BAG4: variants seen among roughly 807,000 people sequenced by gnomAD.
BAG4 encodes the protein BAG family molecular chaperone regulator 4.
Under a neutral mutation model 52.1 loss-of-function variants are expected in BAG4, and 28 were observed. That is an observed-to-expected ratio of 0.54 (90% CI 0.40 to 0.74). BAG4 has a LOEUF of 0.74. Among genes scored for constraint, BAG4 ranks in the 30% least tolerant of loss-of-function variants. BAG4 has a pLI of 0.00. For missense variants in BAG4, 525 were observed against 572.0 expected (o/e 0.92, Z 0.84); for synonymous variants, 208 against 217.0 (o/e 0.96, Z 0.37).
Position 38,209,153 on chromosome 8 carries a change from T to G in BAG4, c.774T>G (p.Pro258=), listed in dbSNP as rs1803826091. The change falls in exon 4 of 5, where the codon CCT becomes CCG. Residue 258 remains proline (P), a synonymous_variant. Transcript: ENST00000287322. ...AYGMGGRYPW[P]SSAPSAPPGN... Reference sequence around the variant, plus strand: ...GAATGGGTGGCCGTTATCCCTGGCCTTCATCAGCGCCCTCAGCACCACCCG... The same window carrying G: ...GAATGGGTGGCCGTTATCCCTGGCCGTCATCAGCGCCCTCAGCACCACCCG... 5.0e-6 allele frequency: 8 copies of G among 1,614,102 alleles called. No homozygotes were observed. The highest frequency in any genetic ancestry group is 6.8e-6 in the Non-Finnish European group (8 of 1,180,030).
chr8:38,204,550 G>C (rs987021917), intron 2 of BAG4, among the ~76,000 whole-genome samples: 1 of 151,990 alleles, frequency 6.6e-6, no homozygotes, highest in African/African-American at 2.4e-5. Flanking sequence ...CCAGCACTTT[G>C]GGAGGCTGAG....
chr8:38,184,475 T>C (rs917080233), intron 1 of BAG4, among the ~76,000 whole-genome samples: 2 of 149,858 alleles, frequency 1.3e-5, no homozygotes, highest in African/African-American at 4.9e-5. Flanking sequence ...TCAAATAAAA[T>C]AAAATAAAAT....
chr8:38,194,409 CTTTTTTTTTTTTT>C (rs750931003), intron 2 of BAG4, among the ~76,000 whole-genome samples: 3 of 78,596 alleles, frequency 3.8e-5, no homozygotes, highest in Non-Finnish European at 7.3e-5. Context: ...TAGGTGTGTA[CTTTTTTTTTTTTT>C]TTTTTTTTTT....
chr8:38,194,409 CTTTTTT>C (rs750931003), intron 2 of BAG4, among the ~76,000 whole-genome samples: 1 of 78,618 alleles, frequency 1.3e-5, no homozygotes, highest in South Asian at 4.2e-4. Flanking sequence ...TAGGTGTGTA[CTTTTTT>C]TTTTTTTTTT....
chr8:38,188,334 A>G (rs1438127777), intron 1 of BAG4, among the ~76,000 whole-genome samples: 2 of 151,656 alleles, frequency 1.3e-5, no homozygotes, highest in African/African-American at 4.8e-5. Context: ...ATCCAATTAT[A>G]TGGTGTCTAA....
intron 1 of BAG4, among the ~76,000 whole-genome samples, chr8:38,182,627 AAG>A (rs1803290343): frequency 6.6e-6 from 1 of 152,208 alleles, no homozygotes; most frequent in Admixed American, 6.5e-5. Context: ...AAAGTTTGGA[AAG>A]AGTTAGGCAC....
At position 38,207,738 on chromosome 8, in the gene BAG4, G is replaced by T; in HGVS notation, c.605G>T (p.Gly202Val). The T allele has an allele frequency of 6.2e-7, 1 of 1,614,044 alleles. No homozygotes were observed. The highest frequency in any genetic ancestry group is 8.5e-7 in the Non-Finnish European group (1 of 1,180,010). Residue 202 changes from glycine to valine, a missense_variant, in exon 3 of 5, where the codon GGG becomes GTG. Physicochemically the swap from Gly to Val is moderately radical, Grantham distance 109. Around this residue, in one of 2 missense-constraint regions of BAG4, gnomAD observed 287 missense variants for 266.1 expected, o/e 1.08. Transcript: ENST00000287322. ...CAGACTGAAGCACCCCCTCTTAGGG[G>T]GCAGGTTCCAGGATATCCGCCTTCA... ...DCQTEAPPLR[G>V]QVPGYPPSQN...
rs1344363309 is a variant in BAG4, at chr8:38,192,813, A to G, written c.378+18A>G. The G allele has an allele frequency of 6.5e-7, 1 of 1,540,794 alleles. No individual in the cohort carries two copies. Among genetic ancestry groups the G allele is most frequent in the Non-Finnish European group, 8.8e-7 (1 of 1,135,370 alleles). On this transcript the variant is annotated intron_variant, in intron 2 of 4. Coordinates refer to ENST00000287322, the MANE Select transcript of BAG4 (RefSeq NM_004874.4). Reference sequence around the variant, plus strand: ...AAGGCCAGGTATGGTTTAAAAACAGAGACTTTCTGAACTTTTTCTTAATGA... The same window carrying G: ...AAGGCCAGGTATGGTTTAAAAACAGGGACTTTCTGAACTTTTTCTTAATGA...
At position 38,213,175 on chromosome 8, in the gene BAG4, A is replaced by G. The variant is rs1410871763; in HGVS notation, c.*2682A>G. On this transcript the variant is annotated 3_prime_UTR_variant, in exon 5 of 5. Transcript: ENST00000287322. Reference sequence around the variant, plus strand: ...ACTTTTGACTTAATACTGACTTTGGACTGAATTCAAAGTTTTCTTGAAATT... The same window carrying G: ...ACTTTTGACTTAATACTGACTTTGGGCTGAATTCAAAGTTTTCTTGAAATT... 4 of 152,106 alleles carry G rather than the reference A, an allele frequency of 2.6e-5. No individual in the cohort carries two copies. Among genetic ancestry groups the G allele is most frequent in the Non-Finnish European group, 4.4e-5 (3 of 67,950 alleles). 9.4% of individuals were successfully genotyped at this position (152,106 alleles called of 1,614,324 possible). A position where few individuals can be genotyped will look rare whatever the true frequency, so the allele number is the denominator to read the frequency against.
At chr8:38,188,036 CAAA>C (rs1157770485) in intron 1 of BAG4, among the ~76,000 whole-genome samples, 3 of 37,138 alleles carry the variant, frequency 8.1e-5, no homozygotes, top group South Asian at 9.8e-4. Context: ...GACTCCGTCT[CAAA>C]AAAAAAAAAA....
intron 1 of BAG4, among the ~76,000 whole-genome samples, chr8:38,191,847 A>G (rs1001285491): frequency 6.6e-6 from 1 of 152,054 alleles, no homozygotes; most frequent in African/African-American, 2.4e-5. Flanking sequence ...AATAAACCAG[A>G]TAATAGGTGC....
intron 2 of BAG4, among the ~76,000 whole-genome samples, chr8:38,197,688 A>T (rs557172693): frequency 6.6e-6 from 1 of 152,242 alleles, no homozygotes; most frequent in South Asian, 2.1e-4. Flanking sequence ...TTTACTTTAT[A>T]AACTTTATTT....
chr8:38,190,467 G>T (rs1803456090), intron 1 of BAG4, among the ~76,000 whole-genome samples: 1 of 152,122 alleles, frequency 6.6e-6, no homozygotes, highest in Non-Finnish European at 1.5e-5. Context: ...TGTTGCCCAG[G>T]CTGGAGTGCA....
chr8:38,184,615 G>A (rs1803332275), intron 1 of BAG4, among the ~76,000 whole-genome samples: 1 of 152,206 alleles, frequency 6.6e-6, no homozygotes, highest in Non-Finnish European at 1.5e-5. Flanking sequence ...ACTGACTGCT[G>A]CGTACAGGTT....
chr8:38,199,141 A>G (rs557205007), intron 2 of BAG4, among the ~76,000 whole-genome samples: 3 of 152,262 alleles, frequency 2.0e-5, no homozygotes, highest in African/African-American at 4.8e-5. Flanking sequence ...GTTATATACA[A>G]CTGGCACACA....
In BAG4 at chr8:38,180,941, A is replaced by ATT. The variant is rs56111009; in HGVS notation, c.270+3818_270+3819dup. 3.9e-3 allele frequency among the ~76,000 whole-genome samples: 545 copies of ATT among 138,316 alleles called. 8 individuals are homozygous for ATT. Among genetic ancestry groups the ATT allele is most frequent in the African/African-American group, 8.7e-3 (325 of 37,440 alleles). 90.7% of individuals were successfully genotyped at this position (138,316 alleles called of 152,430 possible). On this transcript the variant is annotated intron_variant, in intron 1 of 4. Coordinates refer to ENST00000287322, the MANE Select transcript of BAG4 (RefSeq NM_004874.4). The stretch of plus-strand genomic sequence containing the variant: ...GGGAAAAAATTAGAAATCTATCACT[A>ATT]TTTTTTTTTTTTTTTTTGAGACCGA...
At chr8:38,198,821 G>T (rs1803612256) in intron 2 of BAG4, among the ~76,000 whole-genome samples, 1 of 152,080 alleles carries the variant, frequency 6.6e-6, no homozygotes, top group Non-Finnish European at 1.5e-5. Context: ...GTGTTAAAAA[G>T]GGAGACGCAA....
intron 1 of BAG4, among the ~76,000 whole-genome samples, chr8:38,183,254 A>G (rs1374480484): frequency 2.0e-5 from 3 of 151,768 alleles, no homozygotes; most frequent in East Asian, 1.9e-4. Context: ...TCACCATGTT[A>G]GCCAGGATGG....
intron 2 of BAG4, among the ~76,000 whole-genome samples, chr8:38,199,912 G>A (rs981299237): frequency 1.3e-5 from 2 of 151,966 alleles, no homozygotes; most frequent in African/African-American, 4.8e-5. Flanking sequence ...ATGGTGCAAA[G>A]TAAGGCCCAA....
Sources: allele counts gnomAD v4.1 joint callset (sites outside exome capture counted in the v4.1 genomes callset), GRCh38; gene constraint gnomAD v4.1.1; regional missense constraint gnomAD v4.1.1; transcripts MANE v1.5; gene names NCBI Gene and HGNC (gene_info 2026-07-23, HGNC 2026-07-21).